The following CACNA2D4 variants were observed in gnomAD, a reference collection of about 807,000 sequenced individuals.
CACNA2D4 encodes calcium voltage-gated channel auxiliary subunit alpha2delta 4.
A neutral mutation model predicts 163.8 loss-of-function variants in CACNA2D4; 157 were observed. That is an observed-to-expected ratio of 0.96 (90% CI 0.84 to 1.09). The LOEUF is 1.09. CACNA2D4 is among the 50% of genes least tolerant of loss of function. The pLI is 0.00. For synonymous variants in CACNA2D4, 598 were observed against 586.9 expected, an observed-to-expected ratio of 1.02 and a Z score of -0.27; for missense variants, 1,410 against 1,479.9, an observed-to-expected ratio of 0.95 and a Z score of 0.78.
intron 26 of CACNA2D4, among the ~76,000 whole-genome samples, chr12:1,815,308 C>G (rs1172342510): frequency 6.6e-6 from 1 of 151,474 alleles, no homozygotes; most frequent in Non-Finnish European, 1.5e-5. Flanking sequence ...ATTCTCACCC[C>G]AGGGCATTTG....
intron 18 of CACNA2D4, among the ~76,000 whole-genome samples, chr12:1,865,880 C>G (rs1159149029): frequency 6.6e-6 from 1 of 152,248 alleles, no homozygotes; most frequent in Non-Finnish European, 1.5e-5. Context: ...TCTGAACTTG[C>G]TAAACTTACC....
At chr12:1,907,830 G>A (rs1192892940) in intron 5 of CACNA2D4, 45 bp downstream of exon 5, 2 of 1,607,832 alleles carry the variant, frequency 1.2e-6, no homozygotes. Context: ...GGTGTGCTAG[G>A]TGGGCGTGCC....
intron 16 of CACNA2D4, among the ~76,000 whole-genome samples, chr12:1,877,144 C>T (rs1368098102): frequency 6.6e-6 from 1 of 152,178 alleles, no homozygotes; most frequent in Non-Finnish European, 1.5e-5. Flanking sequence ...AGAGTACAAG[C>T]CTCTGTTTAT....
intron 19 of CACNA2D4, among the ~76,000 whole-genome samples, chr12:1,859,516 G>A (rs901915045): frequency 2.6e-5 from 4 of 152,218 alleles, no homozygotes; most frequent in Non-Finnish European, 5.9e-5. Context: ...AATACCTAGA[G>A]CCAAATATTT....
intron 37 of CACNA2D4, among the ~76,000 whole-genome samples, chr12:1,794,085 G>A (rs1863045730): frequency 1.3e-5 from 2 of 152,124 alleles, no homozygotes; most frequent in African/African-American, 4.8e-5. Context: ...TGAAGCACCC[G>A]GCTCAGGGCC....
intron 18 of CACNA2D4, among the ~76,000 whole-genome samples, chr12:1,867,352 C>A (rs1196825252): frequency 6.6e-6 from 1 of 151,924 alleles, no homozygotes; most frequent in Non-Finnish European, 1.5e-5. Context: ...CCACTTGATA[C>A]CATCTCACAG....
intron 18 of CACNA2D4, among the ~76,000 whole-genome samples, chr12:1,871,392 C>T (rs1311634589): frequency 1.8e-4 from 15 of 83,340 alleles, no homozygotes; most frequent in Middle Eastern, 0.024. Flanking sequence ...TGTGTGTACA[C>T]GTGCTGCTGG....
intron 24 of CACNA2D4, among the ~76,000 whole-genome samples, chr12:1,845,702 C>T (rs1338902273): frequency 6.6e-6 from 1 of 152,198 alleles, no homozygotes; most frequent in African/African-American, 2.4e-5. Flanking sequence ...TCTGGGCTCC[C>T]ATCCTCCCTT....
Position 1,799,696 on chromosome 12 carries a change from C to T in CACNA2D4, c.2975-1G>A, listed in dbSNP as rs868445011. 1 of 1,571,134 alleles carries T rather than the reference C, an allele frequency of 6.4e-7. No homozygotes were observed. The highest frequency in any genetic ancestry group is 1.2e-5 in the South Asian group (1 of 85,190). On this transcript the variant is annotated splice_acceptor_variant, in intron 33 of 37. Transcript: ENST00000382722. LOFTEE classifies it high-confidence loss of function. The surrounding 1 kb of genome is among the most constrained non-coding windows in gnomAD (Gnocchi z 4.7). ...TTACAGTGATGGAAGACACTTTTGG[C>T]TGGCCGGAACATAAGCCCAGCACAG...
chr12:1,794,984 G>T, intron 37 of CACNA2D4: 1 of 503,040 alleles, frequency 2.0e-6, no homozygotes, highest in Non-Finnish European at 3.5e-6. Flanking sequence ...TCATTCCAAG[G>T]GTCTTAGAGG....
intron 3 of CACNA2D4, among the ~76,000 whole-genome samples, chr12:1,912,204 T>A (rs185982873): frequency 1.3e-5 from 2 of 152,250 alleles, no homozygotes; most frequent in Admixed American, 6.5e-5. Flanking sequence ...CCACTCCCGA[T>A]CTCCTCTCTC....
rs572366886 is a variant in CACNA2D4 at position 1,798,920 on chromosome 12, G to A, written c.2995+755C>T. ...CACAGCCCGAACTGCCCTGAGCCCA[G>A]GGGCAGAGGAAGCCCCAAGCCAAGG... On this transcript the variant is annotated intron_variant, in intron 34 of 37. Transcript: ENST00000382722. This position sits in a 1 kb window ranked among gnomAD's most constrained non-coding sequence, Gnocchi z 4.3. Among the ~76,000 whole-genome samples the A allele has an allele frequency of 6.6e-6, 1 of 152,286 alleles. No individual in the cohort carries two copies. Among genetic ancestry groups the A allele is most frequent in the South Asian group, 2.1e-4 (1 of 4,830 alleles).
intron 22 of CACNA2D4, 82 bp downstream of exon 22, chr12:1,855,929 CT>C (rs1865388457): frequency 9.7e-7 from 1 of 1,035,952 alleles, no homozygotes; most frequent in South Asian, 1.3e-5. Flanking sequence ...CAGCCTCCCC[CT>C]GCCTTCCCAC....
intron 6 of CACNA2D4, among the ~76,000 whole-genome samples, chr12:1,899,145 A>G (rs1229236676): frequency 6.6e-6 from 1 of 152,140 alleles, no homozygotes; most frequent in Non-Finnish European, 1.5e-5. Flanking sequence ...CTCACTACCA[A>G]TCAAAACCTG....
At chr12:1,892,015 T>A (rs1434024673) in intron 6 of CACNA2D4, among the ~76,000 whole-genome samples, 3 of 152,330 alleles carry the variant, frequency 2.0e-5, no homozygotes, top group Admixed American at 1.3e-4. Context: ...CACAAAATAC[T>A]AGCTGGAAAC....
intron 3 of CACNA2D4, among the ~76,000 whole-genome samples, chr12:1,911,435 G>A (rs1442333379): frequency 6.6e-6 from 1 of 152,014 alleles, no homozygotes; most frequent in Admixed American, 6.6e-5. Flanking sequence ...CTTTGTCAGG[G>A]CCAAGCCACT....
chr12:1,853,188 T>C (rs551626208), intron 23 of CACNA2D4, among the ~76,000 whole-genome samples: 5 of 152,270 alleles, frequency 3.3e-5, no homozygotes, highest in African/African-American at 1.2e-4. Context: ...ATACAGATCA[T>C]AGATGTTATC....
Position 1,801,366 on chromosome 12 carries a change from G to A in CACNA2D4, c.2792+208C>T, listed in dbSNP as rs1427895695. ...GTTTTCCCTCTAGGGTCTGAGCTGC[G>A]GAGCCCCTCCCAGGGATGCCCACAT... On this transcript the variant is annotated intron_variant, in intron 30 of 37. Coordinates refer to ENST00000382722, the MANE Select transcript of CACNA2D4 (RefSeq NM_172364.5). 3.3e-5 allele frequency among the ~76,000 whole-genome samples: 5 copies of A among 152,182 alleles called. No homozygotes were observed. In the South Asian group the frequency reaches 1.0e-3, roughly 31 times the overall value.
rs1300034479 is a variant in CACNA2D4 at position 1,799,381 on chromosome 12, C to T, written c.2995+294G>A. 2.6e-5 allele frequency among the ~76,000 whole-genome samples: 4 copies of T among 152,204 alleles called. No homozygotes were observed. The highest frequency in any genetic ancestry group is 6.5e-5 in the Admixed American group (1 of 15,280). On this transcript the variant is annotated intron_variant, in intron 34 of 37. Coordinates refer to ENST00000382722, the MANE Select transcript of CACNA2D4 (RefSeq NM_172364.5). The surrounding 1 kb of genome is among the most constrained non-coding windows in gnomAD (Gnocchi z 4.7). ...GTGGGCTGGAGGTTGCTCACTCATA[C>T]TGGCTCATGGCCACCCGGCCACACC...
Sources: gnomAD v4.1 joint callset for allele counts (sites outside exome capture counted in the v4.1 genomes callset) on GRCh38, gnomAD v4.1.1 for gene constraint, Gnocchi (gnomAD v3.1) non-coding constraint, MANE v1.5 for transcripts, NCBI Gene and HGNC (gene_info 2026-07-23, HGNC 2026-07-21) for gene names.